NHS: variants seen among roughly 807,000 people sequenced by gnomAD.
The protein encoded by NHS is actin remodeling regulator NHS.
In NHS, 5 loss-of-function variants were observed where a neutral mutation model predicts 72.5. That is an observed-to-expected ratio of 0.07 (90% confidence interval 0.04 to 0.14). The LOEUF (loss-of-function observed/expected upper bound fraction) is 0.14. Among genes scored for constraint, NHS ranks in the 10% least tolerant of loss-of-function variants. The pLI is 1.00. For synonymous variants in NHS, 464 were observed against 547.7 expected (o/e 0.85, Z 2.13); for missense variants, 1,072 against 1,355.7 (o/e 0.79, Z 3.29).
intron 1 of NHS, among the ~76,000 whole-genome samples, chrX:17,549,284 A>G (rs2065315967): frequency 9.0e-6 from 1 of 110,754 alleles, no homozygotes. Flanking sequence ...GGAAGGCAAC[A>G]AGCACTGTCC....
chrX:17,673,037 C>A (rs1042966479), intron 1 of NHS, among the ~76,000 whole-genome samples: 4 of 110,680 alleles, frequency 3.6e-5, no homozygotes, highest in African/African-American at 1.3e-4. Context: ...AAAGAAAGGA[C>A]AGATTAAAAG....
chrX:17,375,898 C>T lies in NHS; in HGVS notation c.141C>T (p.Asp47=), dbSNP rs1471245613. The change falls in exon 1 of 9, where the codon GAC becomes GAT. Residue 47 remains aspartate, a synonymous_variant. Transcript: ENST00000676302. ...AGCCGCCGGGCCGGAGGGACCTGGA[C>T]GAGGTCGAGGCGCCAGGGCCAGAGG... ...PLQPPGRRDL[D]EVEAPGPEEP... is the part of the protein sequence containing the mutation. 9.1e-7 allele frequency: 1 copy of T among 1,099,133 alleles called. No individual in the cohort carries two copies. The highest frequency in any genetic ancestry group is 2.2e-5 in the South Asian group (1 of 45,399). The allele number at this position is 1,099,133 out of a possible 1,213,427, so 90.6% of individuals were successfully genotyped here. A position where few individuals can be genotyped will look rare whatever the true frequency, so the allele number is the denominator to read the frequency against.
chrX:17,529,874 G>A (rs1323934306), intron 1 of NHS, among the ~76,000 whole-genome samples: 1 of 111,484 alleles, frequency 9.0e-6, no homozygotes, highest in Non-Finnish European at 1.9e-5. Context: ...AGGAAGGGAT[G>A]TCAGCTAAAA....
chrX:17,531,726 GC>G (rs1436264550), intron 1 of NHS, among the ~76,000 whole-genome samples: 1 of 112,055 alleles, frequency 8.9e-6, no homozygotes, highest in Non-Finnish European at 1.9e-5. Context: ...AGCCACGCTG[GC>G]CTATTTTCAG....
At chrX:17,723,981 G>A (rs1001134676) in intron 5 of NHS, among the ~76,000 whole-genome samples, 1 of 111,178 alleles carries the variant, frequency 9.0e-6, no homozygotes, top group African/African-American at 3.3e-5. Context: ...AGTAACTAAA[G>A]GTTATAAATC....
At position 17,621,112 on chromosome X, in the gene NHS, G is replaced by A. The variant is rs191062310; in HGVS notation, c.566-66630G>A. Among the ~76,000 whole-genome samples the A allele has an allele frequency of 5.3e-5, 6 of 112,612 alleles. No homozygotes were observed. In the East Asian group the frequency reaches 1.4e-3, roughly 26 times the overall value. On this transcript the variant is annotated intron_variant, in intron 1 of 8. Transcript: ENST00000676302. ...GGCCCCAGATGAAGGCCTGACTACGGGAAAGGTCAGAAGGTGTGAAAAGAA... is the reference window on the plus strand; with the variant it reads ...GGCCCCAGATGAAGGCCTGACTACGAGAAAGGTCAGAAGGTGTGAAAAGAA...
chrX:17,573,064 G>T (rs2065490493), intron 1 of NHS, among the ~76,000 whole-genome samples: 1 of 112,096 alleles, frequency 8.9e-6, no homozygotes, highest in East Asian at 2.8e-4. Flanking sequence ...AGTCTGATGG[G>T]CTTCCCTTTG....
chrX:17,699,508 A>C (rs2066249824), intron 3 of NHS, among the ~76,000 whole-genome samples: 1 of 112,012 alleles, frequency 8.9e-6, no homozygotes, highest in African/African-American at 3.2e-5. Context: ...GAAAGGAAAA[A>C]TTTGATCAGT....
intron 1 of NHS, among the ~76,000 whole-genome samples, chrX:17,653,692 C>T (rs1473583218): frequency 9.0e-6 from 1 of 111,433 alleles, no homozygotes; most frequent in African/African-American, 3.3e-5. Flanking sequence ...AGTGACTTGG[C>T]CACTAGCTAC....
chrX:17,438,308 C>T (rs924503596), intron 1 of NHS, among the ~76,000 whole-genome samples: 1 of 112,398 alleles, frequency 8.9e-6, no homozygotes, highest in Non-Finnish European at 1.9e-5. Flanking sequence ...CCAGAAACTT[C>T]ATGGCCCCAC....
chrX:17,643,296 CT>C (rs1192694615), intron 1 of NHS, among the ~76,000 whole-genome samples: 1 of 109,713 alleles, frequency 9.1e-6, no homozygotes, highest in East Asian at 2.8e-4. Context: ...TTCTTTCTTT[CT>C]TTTTTTTTCC....
chrX:17,434,988 G>C (rs2064714752), intron 1 of NHS, among the ~76,000 whole-genome samples: 1 of 112,313 alleles, frequency 8.9e-6, no homozygotes, highest in Non-Finnish European at 1.9e-5. Context: ...CTTCTAGAAA[G>C]AAGTGACATT....
rs2066518429 is a variant in NHS, at chrX:17,735,521, G to A, written c.*3057G>A. The A allele has an allele frequency of 8.9e-6, 1 of 112,815 alleles. No homozygotes were observed. Among genetic ancestry groups the A allele is most frequent in the African/African-American group, 3.2e-5 (1 of 30,884 alleles). 9.3% of individuals were successfully genotyped at this position (112,815 alleles called of 1,213,427 possible). On this transcript the variant is annotated 3_prime_UTR_variant, in exon 9 of 9. Coordinates refer to ENST00000676302, the MANE Select transcript of NHS (RefSeq NM_001291867.2). ...GTTGTTTTGATTTGTTTTTGGCTAA[G>A]TAGAGGACATGGACTAGTTGTAGCA... is the stretch of plus-strand genomic sequence containing the variant.
chrX:17,725,668 T>C lies in NHS; in HGVS notation c.1562T>C (p.Val521Ala). The C allele has an allele frequency of 8.3e-7, 1 of 1,211,263 alleles. No homozygotes were observed. The highest frequency in any genetic ancestry group is 1.1e-6 in the Non-Finnish European group (1 of 895,407). ...GNRGGDAEPK[V>A]GAKPSAYEEG... ...AGAGGTGGGGATGCTGAGCCCAAAG[T>C]TGGCGCTAAACCCTCAGCATATGAA... Residue 521 changes from valine to alanine, a missense_variant, in exon 7 of 9, where the codon GTT becomes GCT. Val to Ala is a moderately conservative substitution (Grantham distance 64). Transcript: ENST00000676302.
intron 1 of NHS, among the ~76,000 whole-genome samples, chrX:17,492,074 A>G (rs915327166): frequency 9.1e-6 from 1 of 109,780 alleles, no homozygotes; most frequent in Admixed American, 9.7e-5. Flanking sequence ...TGATCTTTTT[A>G]AAAAAACAGC....
At chrX:17,546,270 C>G (rs754064305) in intron 1 of NHS, among the ~76,000 whole-genome samples, 1 of 112,321 alleles carries the variant, frequency 8.9e-6, no homozygotes, top group African/African-American at 3.2e-5. Flanking sequence ...TCTTCTTCCT[C>G]CATCCTGCCA....
intron 1 of NHS, among the ~76,000 whole-genome samples, chrX:17,429,237 T>TGTGTGTGTGTGCGC (rs1259961922): frequency 1.9e-5 from 2 of 106,524 alleles, no homozygotes; most frequent in African/African-American, 7.6e-5. Flanking sequence ...TGTGTGTGTG[T>TGTGTGTGTGTGCGC]GTGTGTGTGT....
intron 1 of NHS, among the ~76,000 whole-genome samples, chrX:17,573,163 G>A (rs898219665): frequency 9.0e-6 from 1 of 111,133 alleles, no homozygotes; most frequent in Non-Finnish European, 1.9e-5. Context: ...TCTTGGGGTT[G>A]CTCTTCTCGA....
At chrX:17,482,317 C>A (rs934630051) in intron 1 of NHS, among the ~76,000 whole-genome samples, 5 of 111,659 alleles carry the variant, frequency 4.5e-5, no homozygotes, top group Admixed American at 2.9e-4. Flanking sequence ...AGCAACATGA[C>A]AAAGTATTAA....
Sources: gnomAD v4.1 joint callset for allele counts (sites outside exome capture counted in the v4.1 genomes callset) on GRCh38, gnomAD v4.1.1 for gene constraint, MANE v1.5 for transcripts, NCBI Gene and HGNC (gene_info 2026-07-23, HGNC 2026-07-21) for gene names.